Variants in ZNF292 observed in about 807,000 individuals in gnomAD.
ZNF292 encodes zinc finger protein 292.
Under a neutral mutation model 217.9 loss-of-function variants are expected in ZNF292, and 26 were observed. The ratio of observed to expected loss-of-function variants is 0.12; its 90% CI spans 0.09 to 0.17. The LOEUF is 0.17. Ranked by LOEUF, ZNF292 falls within the 10% of genes least tolerant of loss-of-function variation. ZNF292 has a pLI of 1.00. For synonymous variants in ZNF292, 1,257 were observed against 1,124.1 expected (o/e 1.12, Z -2.37); for missense variants, 2,904 against 3,175.2 (o/e 0.91, Z 2.05).
intron 1 of ZNF292, among the ~76,000 whole-genome samples, chr6:87,159,944 C>T (rs1175398832): frequency 6.6e-6 from 1 of 152,182 alleles, no homozygotes; most frequent in African/African-American, 2.4e-5. Flanking sequence ...GAAGTAATTT[C>T]TTGCATTTAC....
chr6:87,237,065 T>G (rs1444189371), intron 5 of ZNF292, among the ~76,000 whole-genome samples: 1 of 152,228 alleles, frequency 6.6e-6, no homozygotes, highest in Non-Finnish European at 1.5e-5. Context: ...AATTTATGTT[T>G]CCAAAAACAG....
Position 87,256,976 on chromosome 6 carries a change from G to A in ZNF292, c.3347G>A (p.Gly1116Glu), listed in dbSNP as rs1775257506. The A allele has an allele frequency of 1.2e-6, 2 of 1,613,574 alleles. No homozygotes were observed. Among genetic ancestry groups the A allele is most frequent in the African/African-American group, 1.3e-5 (1 of 74,890 alleles). Residue 1116 changes from glycine to glutamate, a missense_variant, in exon 8 of 8, where the codon GGG (glycine) becomes GAG (glutamate). This residue lies in a region of ZNF292 where 687 missense variants were observed against 623.0 expected (regional missense o/e 1.10). Transcript: ENST00000369577. ...ACCTATAATTCTTCACAGAGTATTGGGAAACACATGAAGACAGCACACCCT... is the reference window on the plus strand; with the variant it reads ...ACCTATAATTCTTCACAGAGTATTGAGAAACACATGAAGACAGCACACCCT... The part of the protein sequence containing the change: ...TRTYNSSQSI[G>E]KHMKTAHPDQ...
At chr6:87,162,478 TG>T (rs1269294629) in intron 1 of ZNF292, among the ~76,000 whole-genome samples, 1 of 152,198 alleles carries the variant, frequency 6.6e-6, no homozygotes, top group African/African-American at 2.4e-5. Context: ...AAAGACAGCT[TG>T]CTTGTTAATT....
intron 4 of ZNF292, among the ~76,000 whole-genome samples, chr6:87,219,622 C>T (rs1772974648): frequency 6.6e-6 from 1 of 152,140 alleles, no homozygotes; most frequent in East Asian, 1.9e-4. Context: ...CTTCAAACTT[C>T]TCTTTAGATT....
chr6:87,255,823 G>A lies in ZNF292; in HGVS notation c.2194G>A (p.Val732Met). Residue 732 changes from valine to methionine, a missense_variant, in exon 8 of 8, where the codon GTG (valine) becomes ATG (methionine). Around this residue, in one of 15 missense-constraint regions of ZNF292, gnomAD observed 216 missense variants for 308.3 expected, o/e 0.70. Coordinates refer to ENST00000369577, the MANE Select transcript of ZNF292 (RefSeq NM_015021.3). ...VICQYCRRHFVSVTHLNDHLQ... is the reference protein window; with the variant it reads ...VICQYCRRHFMSVTHLNDHLQ... ...TTGCCAGTACTGTAGGCGGCATTTT[G>A]TGAGTGTTACTCATCTCAATGATCA... 1.2e-6 allele frequency: 2 copies of A among 1,613,822 alleles called. No homozygotes were observed. The highest frequency in any genetic ancestry group is 1.7e-6 in the Non-Finnish European group (2 of 1,179,838).
chr6:87,247,267 C>T lies in ZNF292; in HGVS notation c.1020+1623C>T, dbSNP rs544341600. On this transcript the variant is annotated intron_variant, in intron 7 of 7. Coordinates refer to ENST00000369577, the MANE Select transcript of ZNF292 (RefSeq NM_015021.3). ...CCCCTCACCACCGCCCCCTGCCACCCGCAACACACACACATGCGCACGCAC... is the reference window on the plus strand; with the variant it reads ...CCCCTCACCACCGCCCCCTGCCACCTGCAACACACACACATGCGCACGCAC... Among the ~76,000 whole-genome samples the T allele has an allele frequency of 2.3e-4, 19 of 82,962 alleles. No individual in the cohort carries two copies. The South Asian group carries it at 3.0e-3, about 13-fold the overall frequency. 54.4% of individuals were successfully genotyped at this position (82,962 alleles called of 152,430 possible).
chr6:87,155,858 C>T, intron 1 of ZNF292, 99 bp downstream of exon 1: 1 of 1,389,968 alleles, frequency 7.2e-7, no homozygotes, highest in South Asian at 1.5e-5. Context: ...GCTTCCTTGG[C>T]ATCATCGGCG....
intron 1 of ZNF292, among the ~76,000 whole-genome samples, chr6:87,184,006 A>T (rs1042508986): frequency 2.6e-5 from 4 of 152,252 alleles, no homozygotes; most frequent in African/African-American, 9.6e-5. Flanking sequence ...ATCTCCATTT[A>T]TTGAGGAAAT....
chr6:87,246,789 G>A (rs1774610786), intron 7 of ZNF292, among the ~76,000 whole-genome samples: 1 of 152,198 alleles, frequency 6.6e-6, no homozygotes, highest in Non-Finnish European at 1.5e-5. Context: ...CTCAGAGGCA[G>A]CGATTACAGT....
At chr6:87,172,934 A>G (rs1453100412) in intron 1 of ZNF292, among the ~76,000 whole-genome samples, 1 of 152,036 alleles carries the variant, frequency 6.6e-6, no homozygotes. Flanking sequence ...TAATTAAAAA[A>G]TGAAATGGCA....
At position 87,243,622 on chromosome 6, in the gene ZNF292, C is replaced by CTTT; in HGVS notation, c.878+20_878+22dup. On this transcript the variant is annotated intron_variant, in intron 6 of 7. Transcript: ENST00000369577. The stretch of plus-strand genomic sequence containing the variant: ...TATGTACTGCGCTTGGTGAGTTGAT[C>CTTT]TTTTTTTTTTTAAAGAAATATTTGT... 3.4e-6 allele frequency: 4 copies of CTTT among 1,163,624 alleles called. No homozygotes were observed. The highest frequency in any genetic ancestry group is 1.9e-5 in the South Asian group (1 of 52,224). The allele number at this position is 1,163,624 out of a possible 1,614,324, so 72.1% of individuals were successfully genotyped here.
chr6:87,186,540 T>A (rs1057303623), intron 1 of ZNF292, among the ~76,000 whole-genome samples: 1 of 152,214 alleles, frequency 6.6e-6, no homozygotes, highest in African/African-American at 2.4e-5. Flanking sequence ...CTTATGATAC[T>A]GTATGGATGT....
chr6:87,202,121 G>A (rs1275640807), intron 1 of ZNF292, among the ~76,000 whole-genome samples: 1 of 152,104 alleles, frequency 6.6e-6, no homozygotes, highest in Admixed American at 6.5e-5. Context: ...AATTTCATTG[G>A]CATTGCTTTG....
At chr6:87,209,155 C>T (rs1772376333) in intron 1 of ZNF292, among the ~76,000 whole-genome samples, 4 of 150,944 alleles carry the variant, frequency 2.6e-5, no homozygotes, top group Admixed American at 2.6e-4. Flanking sequence ...TTCCTGAGCC[C>T]TTTGGTGATT....
intron 1 of ZNF292, among the ~76,000 whole-genome samples, chr6:87,171,074 C>T (rs1325415732): frequency 6.6e-6 from 1 of 152,092 alleles, no homozygotes; most frequent in African/African-American, 2.4e-5. Flanking sequence ...TTAAAAATAA[C>T]ATTAAATTAC....
In ZNF292 at chr6:87,254,825, C is replaced by T; in HGVS notation, c.1196C>T (p.Thr399Ile). 1 of 1,613,848 alleles carries T rather than the reference C, an allele frequency of 6.2e-7. No homozygotes were observed. Among genetic ancestry groups the T allele is most frequent in the Non-Finnish European group, 8.5e-7 (1 of 1,179,826 alleles). The change falls in exon 8 of 8, where the codon ACA (threonine) becomes ATA (isoleucine). Residue 399 changes from threonine to isoleucine, a missense_variant. Physicochemically the swap from Thr to Ile is moderately conservative, Grantham distance 89 (BLOSUM62 -1). This residue lies in a region of ZNF292 where 313 missense variants were observed against 451.0 expected (regional missense o/e 0.69). Transcript: ENST00000369577. The part of the protein sequence containing the change: ...CQLSEFLIEP[T>I]VDAYYAVEML... ...CTGAGTGAATTTCTTATTGAGCCTA[C>T]AGTAGATGCGTATTATGCTGTGGAA...
chr6:87,206,371 TAAAAG>T (rs765050846), intron 1 of ZNF292, among the ~76,000 whole-genome samples: 2 of 152,138 alleles, frequency 1.3e-5, no homozygotes, highest in African/African-American at 2.4e-5. Context: ...ACAGAAAAGT[TAAAAG>T]AATAGTACCA....
chr6:87,208,932 A>G lies in ZNF292; in HGVS notation c.169-6971A>G, dbSNP rs543973700. On this transcript the variant is annotated intron_variant, in intron 1 of 7. Transcript: ENST00000369577. ...AGTTGACTTATTGCCCTGAAAAGTA[A>G]GATACTTTTCCTTGACTGTGTCCAA... Among the ~76,000 whole-genome samples the G allele has an allele frequency of 4.6e-5, 7 of 152,294 alleles. No individual in the cohort carries two copies. The South Asian group carries it at 1.4e-3, about 32-fold the overall frequency.
intron 5 of ZNF292, among the ~76,000 whole-genome samples, chr6:87,239,293 C>T (rs1379398620): frequency 6.6e-6 from 1 of 151,740 alleles, no homozygotes. Flanking sequence ...GACGGGGCGC[C>T]AGCTGGGCAG....
Sources: allele counts gnomAD v4.1 joint callset (sites outside exome capture counted in the v4.1 genomes callset), GRCh38; gene constraint gnomAD v4.1.1; regional missense constraint gnomAD v4.1.1; transcripts MANE v1.5; gene names NCBI Gene and HGNC (gene_info 2026-07-23, HGNC 2026-07-21).